The following BEND4 variants were observed in gnomAD, a reference collection of about 807,000 sequenced individuals.
BEND4 encodes the protein BEN domain-containing protein 4.
Under a neutral mutation model 54.7 loss-of-function variants are expected in BEND4, and 27 were observed. The observed-to-expected ratio is 0.49, with a 90% CI of 0.36 to 0.68. The LOEUF (loss-of-function observed/expected upper bound fraction) is 0.68. Ranked by LOEUF, BEND4 falls within the 30% of genes least tolerant of loss-of-function variation. The probability of loss-of-function intolerance (pLI) is 0.00; values close to 1 mark genes in which losing one functional copy is unlikely to be tolerated. For synonymous variants in BEND4, 327 were observed against 299.5 expected (o/e 1.09, Z -0.95); for missense variants, 702 against 697.2 (o/e 1.01, Z -0.08).
intron 5 of BEND4, among the ~76,000 whole-genome samples, chr4:42,119,124 C>T (rs1373144737): frequency 2.0e-5 from 3 of 152,126 alleles, no homozygotes; most frequent in African/African-American, 7.2e-5. Flanking sequence ...CACATAATGT[C>T]CAGAATCACT....
chr4:42,123,708 A>AAACAAAAAC (rs1560576060), intron 4 of BEND4, among the ~76,000 whole-genome samples: 1 of 151,278 alleles, frequency 6.6e-6, no homozygotes, highest in Non-Finnish European at 1.5e-5. Flanking sequence ...AAAAAAAAAA[A>AAACAAAAAC]AAAAAAAAAC....
intron 3 of BEND4, among the ~76,000 whole-genome samples, chr4:42,127,342 G>A (rs1363048029): frequency 2.6e-5 from 4 of 152,160 alleles, no homozygotes; most frequent in Non-Finnish European, 4.4e-5. Context: ...CCAAATTGAC[G>A]AAGCACTTGC....
At position 42,152,186 on chromosome 4, in the gene BEND4, G is replaced by T. The variant is rs1370703973; in HGVS notation, c.-43C>A. 2 of 1,235,420 alleles carry T rather than the reference G, an allele frequency of 1.6e-6. No homozygotes were observed. The highest frequency in any genetic ancestry group is 2.0e-6 in the Non-Finnish European group (2 of 982,390). The allele number at this position is 1,235,420 out of a possible 1,614,324, so 76.5% of individuals were successfully genotyped here. A position where few individuals can be genotyped will look rare whatever the true frequency, so the allele number is the denominator to read the frequency against. ...GTCCCTCGGAGCACGTCCCCTCCCC[G>T]CCGGGCGCCGGGCTCCGAGGGTGCC... is the stretch of plus-strand genomic sequence containing the variant. On this transcript the variant is annotated 5_prime_UTR_variant, in exon 2 of 6. Coordinates refer to ENST00000502486, the MANE Select transcript of BEND4 (RefSeq NM_207406.4).
chr4:42,119,988 G>T (rs1356484255), intron 5 of BEND4, 66 bp downstream of exon 5: 5 of 1,595,764 alleles, frequency 3.1e-6, no homozygotes, highest in Middle Eastern at 3.3e-4. Context: ...CTTGTACGGG[G>T]AGAGCCACAG....
chr4:42,117,285 A>G lies in BEND4; in HGVS notation c.*233T>C, dbSNP rs1052219003. ...CTCATGATCTAGCTAGTAATCATTT[A>G]AAAATCAGATGTAGTTTTTTCTTTT... On this transcript the variant is annotated 3_prime_UTR_variant, in exon 6 of 6. Transcript: ENST00000502486. The G allele has an allele frequency of 1.2e-5, 5 of 430,418 alleles. No homozygotes were observed. The highest frequency in any genetic ancestry group is 1.0e-4 in the African/African-American group (5 of 48,854). The allele number at this position is 430,418 out of a possible 1,614,324, so 26.7% of individuals were successfully genotyped here.
chr4:42,131,009 T>C (rs1720487498), intron 3 of BEND4, among the ~76,000 whole-genome samples: 1 of 152,030 alleles, frequency 6.6e-6, no homozygotes, highest in Non-Finnish European at 1.5e-5. Context: ...AAGTGTGAGC[T>C]AAACAACGAG....
chr4:42,121,876 G>A (rs1294569097), intron 4 of BEND4, among the ~76,000 whole-genome samples: 9 of 152,120 alleles, frequency 5.9e-5, no homozygotes, highest in Non-Finnish European at 1.3e-4. Context: ...GTCAAACAGC[G>A]GTGTCTTTCA....
At chr4:42,130,735 A>C (rs1431311578) in intron 3 of BEND4, among the ~76,000 whole-genome samples, 3 of 152,324 alleles carry the variant, frequency 2.0e-5, no homozygotes, top group Non-Finnish European at 4.4e-5. Flanking sequence ...AGGAATATAA[A>C]TCATTCTATT....
chr4:42,123,945 C>T (rs1307644812), intron 4 of BEND4, among the ~76,000 whole-genome samples: 1 of 152,048 alleles, frequency 6.6e-6, no homozygotes, highest in Non-Finnish European at 1.5e-5. Context: ...TGAGATCAAG[C>T]GATGTATGGG....
chr4:42,135,410 T>C (rs1004202974), intron 3 of BEND4, among the ~76,000 whole-genome samples: 4 of 152,204 alleles, frequency 2.6e-5, no homozygotes, highest in African/African-American at 7.2e-5. Flanking sequence ...TTTCCACTTA[T>C]TGAGTGCTTA....
At chr4:42,125,502 G>T in intron 4 of BEND4, 81 bp downstream of exon 4, 1 of 1,081,320 alleles carries the variant, frequency 9.2e-7, no homozygotes, top group Admixed American at 1.8e-5. Context: ...TAGCCAGTCT[G>T]TTCTGGTATA....
In BEND4 at chr4:42,143,852, T is replaced by G; in HGVS notation, c.630A>C (p.Glu210Asp). 6.4e-7 allele frequency: 1 copy of G among 1,561,516 alleles called. No individual in the cohort carries two copies. Among genetic ancestry groups the G allele is most frequent in the East Asian group, 2.2e-5 (1 of 44,630 alleles). Residue 210 changes from glutamate (E) to aspartate (D), a missense_variant, in exon 3 of 6, where the codon GAA becomes GAC. By Grantham distance (45) the Glu-to-Asp change is conservative. Coordinates refer to ENST00000502486, the MANE Select transcript of BEND4 (RefSeq NM_207406.4). ...TCCCAATGTGACAGTGCTCCTGTCT[T>G]TCGTTGTAACTTGAGCCTTCCTGCT... Reference protein sequence around the residue: ...CVKQEGSSYNERQEHCHIGKG... With the variant: ...CVKQEGSSYNDRQEHCHIGKG...
At chr4:42,132,655 A>AG (rs1442923458) in intron 3 of BEND4, among the ~76,000 whole-genome samples, 1 of 151,976 alleles carries the variant, frequency 6.6e-6, no homozygotes, top group Non-Finnish European at 1.5e-5. Flanking sequence ...CATGTTGACC[A>AG]GGGGGGTCTG....
intron 4 of BEND4, among the ~76,000 whole-genome samples, chr4:42,120,991 C>A (rs1000382220): frequency 1.3e-5 from 2 of 152,168 alleles, no homozygotes; most frequent in East Asian, 3.8e-4. Context: ...GGACTAATTA[C>A]GGGAATTTCC....
chr4:42,121,733 G>A lies in BEND4; in HGVS notation c.1147-1439C>T, dbSNP rs28548363. 5.1e-3 allele frequency among the ~76,000 whole-genome samples: 774 copies of A among 152,298 alleles called. 7 individuals carry two copies. The highest frequency in any genetic ancestry group is 0.018 in the African/African-American group (745 of 41,558). ...TGCAGTTTCATGGCAGGAGATGAGA[G>A]ACGGAGGTCTGAATCAAGTCTGTGC... On this transcript the variant is annotated intron_variant, in intron 4 of 5. Coordinates refer to ENST00000502486, the MANE Select transcript of BEND4 (RefSeq NM_207406.4).
At chr4:42,128,328 T>TATTGAAAGTTCTGGGCC (rs1720365751) in intron 3 of BEND4, among the ~76,000 whole-genome samples, 1 of 152,026 alleles carries the variant, frequency 6.6e-6, no homozygotes, top group African/African-American at 2.4e-5. Context: ...TTCAACACAG[T>TATTGAAAGTTCTGGGCC]ATTGAAAGTT....
rs1357690011 is a variant in BEND4, at chr4:42,143,761, G to T, written c.721C>A (p.Gln241Lys). The part of the protein sequence containing the change: ...IEMQYMQRKQ[Q>K]TSAFLRVFTD... ...AAAACCCTCAAAAAGGCAGAAGTTT[G>T]TTGTTTCCTTTGCATATACTGCATC... is the stretch of plus-strand genomic sequence containing the variant. The change falls in exon 3 of 6, where the codon CAA becomes AAA. Residue 241 changes from glutamine (Q) to lysine (K), a missense_variant. Transcript: ENST00000502486. The T allele has an allele frequency of 6.2e-7, 1 of 1,613,760 alleles. No individual in the cohort carries two copies. The highest frequency in any genetic ancestry group is 8.5e-7 in the Non-Finnish European group (1 of 1,179,816).
intron 2 of BEND4, among the ~76,000 whole-genome samples, chr4:42,145,587 G>A (rs1721049464): frequency 6.6e-6 from 1 of 151,872 alleles, no homozygotes; most frequent in Non-Finnish European, 1.5e-5. Flanking sequence ...AGCTACTCGG[G>A]GGGCTGAGGC....
Position 42,115,368 on chromosome 4 carries a change from G to A in BEND4, c.*2150C>T, listed in dbSNP as rs1719762823. On this transcript the variant is annotated 3_prime_UTR_variant, in exon 6 of 6. Coordinates refer to ENST00000502486, the MANE Select transcript of BEND4 (RefSeq NM_207406.4). ...GTTGTCATGTACGGCCATGGAGCAG[G>A]GGTGCAGAAAGTGCTCTCATCAGCC... is the stretch of plus-strand genomic sequence containing the variant. 1 of 152,208 alleles carries A rather than the reference G, an allele frequency of 6.6e-6. No individual in the cohort carries two copies. Among genetic ancestry groups the A allele is most frequent in the African/African-American group, 2.4e-5 (1 of 41,424 alleles). 9.4% of individuals were successfully genotyped at this position (152,208 alleles called of 1,614,324 possible).
Sources: gnomAD v4.1 joint callset for allele counts (sites outside exome capture counted in the v4.1 genomes callset) on GRCh38, gnomAD v4.1.1 for gene constraint, MANE v1.5 for transcripts, NCBI Gene and HGNC (gene_info 2026-07-23, HGNC 2026-07-21) for gene names.